Variants in NEK5 observed in about 807,000 individuals in gnomAD.
NEK5 encodes NIMA related kinase 5, also known as serine/threonine-protein kinase Nek5.
In NEK5, 88 loss-of-function variants were observed where a neutral mutation model predicts 109.2. The ratio of observed to expected loss-of-function variants is 0.81; its 90% CI spans 0.68 to 0.96. The LOEUF is 0.96. Among genes scored for constraint, NEK5 ranks in the 40% least tolerant of loss-of-function variants. The probability of loss-of-function intolerance (pLI) is 0.00; values close to 1 mark genes in which losing one functional copy is unlikely to be tolerated. For missense variants in NEK5, 834 were observed against 920.7 expected, an observed-to-expected ratio of 0.91 and a Z score of 1.22; for synonymous variants, 283 against 299.9, an observed-to-expected ratio of 0.94 and a Z score of 0.58.
intron 12 of NEK5, among the ~76,000 whole-genome samples, chr13:52,098,261 C>CAAATAAATAAAT (rs34554364): frequency 0.019 from 2,747 of 146,946 alleles, 35 homozygotes; most frequent in Non-Finnish European, 0.026. Flanking sequence ...GACCCTCTTT[C>CAAATAAATAAAT]AAATAAATAA....
intron 21 of NEK5, among the ~76,000 whole-genome samples, chr13:52,062,939 GACA>G (rs1954625579): frequency 2.0e-5 from 3 of 151,864 alleles, no homozygotes; most frequent in African/African-American, 7.3e-5. Flanking sequence ...AAAATGACCC[GACA>G]ACAATGACAA....
At chr13:52,046,517 A>C (rs1954460939) in intron 23 of NEK5, among the ~76,000 whole-genome samples, 1 of 151,096 alleles carries the variant, frequency 6.6e-6, no homozygotes, top group African/African-American at 2.4e-5. Context: ...AAGAAGAAAG[A>C]GTTTAAGACC....
At chr13:52,092,022 C>T (rs1955294397) in intron 13 of NEK5, among the ~76,000 whole-genome samples, 1 of 151,956 alleles carries the variant, frequency 6.6e-6, no homozygotes, top group African/African-American at 2.4e-5. Flanking sequence ...ACTATTTTTT[C>T]ACCTGCCATA....
At chr13:52,095,927 C>T (rs76877881) in intron 12 of NEK5, among the ~76,000 whole-genome samples, 10 of 152,224 alleles carry the variant, frequency 6.6e-5, no homozygotes, top group Non-Finnish European at 1.2e-4. Context: ...TGTTGGGAGA[C>T]GAGGCCTGGT....
chr13:52,105,536 A>G (rs1052626309), intron 8 of NEK5, among the ~76,000 whole-genome samples: 4 of 151,682 alleles, frequency 2.6e-5, no homozygotes, highest in Non-Finnish European at 4.4e-5. Flanking sequence ...ACAAACATGA[A>G]CTTTCTAGAC....
intron 21 of NEK5, among the ~76,000 whole-genome samples, chr13:52,063,205 C>T (rs989522971): frequency 2.6e-5 from 4 of 152,190 alleles, no homozygotes; most frequent in African/African-American, 4.8e-5. Flanking sequence ...GCCGAGTGCC[C>T]GTGATTACAG....
intron 17 of NEK5, among the ~76,000 whole-genome samples, chr13:52,079,974 CG>C (rs1954955461): frequency 6.6e-6 from 1 of 150,662 alleles, no homozygotes; most frequent in African/African-American, 2.4e-5. Context: ...AGGTGAGGAG[CG>C]TCTCTGCCCG....
intron 14 of NEK5, 72 bp downstream of exon 14, chr13:52,089,175 A>G: frequency 1.0e-6 from 1 of 966,474 alleles, no homozygotes; most frequent in South Asian, 1.4e-5. Flanking sequence ...ATGAACTTTG[A>G]CTTGAAAATC....
rs1274881964 is a variant in NEK5, at chr13:52,094,907, T to A, written c.1027-1672A>T. On this transcript the variant is annotated intron_variant, in intron 12 of 23. Transcript: ENST00000684899. Reference sequence around the variant, plus strand: ...TAAATACAAATTATATGTTTATTTTTAAAATATTTTCTTTTCTTTTTAAAT... The same window carrying A: ...TAAATACAAATTATATGTTTATTTTAAAAATATTTTCTTTTCTTTTTAAAT... Among the ~76,000 whole-genome samples, 10 of 152,256 alleles carry A rather than the reference T, an allele frequency of 6.6e-5. No individual in the cohort carries two copies. In the East Asian group the frequency reaches 1.3e-3, roughly 20 times the overall value.
rs569273862 is a variant in NEK5, at chr13:52,052,899, C to T, written c.2111-2678G>A. 9.9e-5 allele frequency among the ~76,000 whole-genome samples: 15 copies of T among 152,228 alleles called. No individual in the cohort carries two copies. The South Asian group carries it at 2.3e-3, about 23-fold the overall frequency. On this transcript the variant is annotated intron_variant, in intron 22 of 23. Coordinates refer to ENST00000684899, the MANE Select transcript of NEK5 (RefSeq NM_001365552.1). ...ATAGTGTTTAGATCTAAGTTCTGTG[C>T]CCTTAAGAGTCATCCTTTCAGAAGT...
At chr13:52,121,100 A>G (rs943872613) in intron 3 of NEK5, among the ~76,000 whole-genome samples, 13 of 151,940 alleles carry the variant, frequency 8.6e-5, no homozygotes, top group Admixed American at 7.9e-4. Flanking sequence ...TTTACAATAT[A>G]TAATATGAAT....
At chr13:52,112,619 T>A (rs1955779655) in intron 4 of NEK5, among the ~76,000 whole-genome samples, 1 of 152,226 alleles carries the variant, frequency 6.6e-6, no homozygotes, top group Non-Finnish European at 1.5e-5. Flanking sequence ...ATGCTTAGAA[T>A]AATGCCTGTA....
At chr13:52,078,844 A>G (rs1276777047) in intron 17 of NEK5, among the ~76,000 whole-genome samples, 1 of 152,224 alleles carries the variant, frequency 6.6e-6, no homozygotes, top group Admixed American at 6.5e-5. Flanking sequence ...AGATCGTTGT[A>G]TTTTAAGGAA....
At chr13:52,068,605 GA>G (rs1276433353) in intron 20 of NEK5, among the ~76,000 whole-genome samples, 2 of 151,914 alleles carry the variant, frequency 1.3e-5, no homozygotes, top group South Asian at 2.1e-4. Flanking sequence ...GTCTTATAAA[GA>G]AAAAAACAAA....
rs1954353835 is a variant in NEK5 at position 52,035,579 on chromosome 13, T to TA, written c.*1368dup. 6.6e-6 allele frequency: 1 copy of TA among 152,194 alleles called. No homozygotes were observed. Among genetic ancestry groups the TA allele is most frequent in the Non-Finnish European group, 1.5e-5 (1 of 68,028 alleles). The allele number at this position is 152,194 out of a possible 1,614,324, so 9.4% of individuals were successfully genotyped here. On this transcript the variant is annotated 3_prime_UTR_variant, in exon 24 of 24. Transcript: ENST00000684899. ...ATTGTTATGATCAATTTTAAAAAGT[T>TA]AGTTTTCCTACACCAAACAGCTTAC... is the stretch of plus-strand genomic sequence containing the variant.
intron 23 of NEK5, among the ~76,000 whole-genome samples, chr13:52,044,393 C>T (rs531844071): frequency 1.8e-4 from 27 of 152,302 alleles, no homozygotes; most frequent in Non-Finnish European, 1.0e-4. Flanking sequence ...GGTTCACATA[C>T]AGAATATACA....
chr13:52,093,323 G>A (rs1955335821), intron 12 of NEK5, 88 bp from the exon 13 acceptor site: 5 of 929,748 alleles, frequency 5.4e-6, no homozygotes, highest in Non-Finnish European at 8.2e-6. Flanking sequence ...ACTTTGGGAG[G>A]CTGAGGCGGG....
Position 52,110,395 on chromosome 13 carries a change from T to G in NEK5, c.412A>C (p.Lys138Gln), listed in dbSNP as rs762104562. 9 of 1,613,206 alleles carry G rather than the reference T, an allele frequency of 5.6e-6. 1 individual carries two copies. Residue 138 changes from lysine to glutamine, a missense_variant, in exon 7 of 24, where the codon AAG becomes CAG. Lys to Gln is a moderately conservative substitution (Grantham distance 53). Transcript: ENST00000684899. ...DIKAQNIFLS[K>Q]NGMVAKLGDF... ...CCAAGCTTTGCCACCATTCCGTTCT[T>G]GCTAAGAAAAATGTTCTATAAATGG...
Position 52,061,825 on chromosome 13 carries a change from C to T in NEK5, c.2104G>A (p.Glu702Lys), listed in dbSNP as rs1296648727. The T allele has an allele frequency of 4.1e-6, 4 of 985,538 alleles. No individual in the cohort carries two copies. The highest frequency in any genetic ancestry group is 3.5e-5 in the African/African-American group (2 of 57,234). 61.0% of individuals were successfully genotyped at this position (985,538 alleles called of 1,614,324 possible). ...TTAAAAATAAACTACATACCAAATT[C>T]TTCATCGGCAGAAAATGAGCTACTC... ...LTSSSFSADE[E>K]FAMGTLKQWL... Residue 702 changes from glutamate (E) to lysine (K), a missense_variant, in exon 22 of 24, where the codon GAA (glutamate) becomes AAA (lysine). Transcript: ENST00000684899.
Sources: gnomAD v4.1 joint callset for allele counts (sites outside exome capture counted in the v4.1 genomes callset) on GRCh38, gnomAD v4.1.1 for gene constraint, MANE v1.5 for transcripts, NCBI Gene and HGNC (gene_info 2026-07-23, HGNC 2026-07-21) for gene names.